Variants in MYRIP observed in about 807,000 individuals in gnomAD.
MYRIP encodes myosin VIIA and Rab interacting protein, also known as rab effector MyRIP.
A neutral mutation model predicts 98.0 loss-of-function variants in MYRIP; 49 were observed. That is an observed-to-expected ratio of 0.50 (90% CI 0.40 to 0.63). MYRIP has a LOEUF of 0.63. MYRIP is among the 30% of genes least tolerant of loss of function. The probability of loss-of-function intolerance (pLI) is 0.00; values close to 1 mark genes in which losing one functional copy is unlikely to be tolerated. For synonymous variants in MYRIP, 404 were observed against 409.5 expected (o/e 0.99, Z 0.16); for missense variants, 1,004 against 1,058.2 (o/e 0.95, Z 0.71).
At chr3:39,875,560 C>G (rs1942963215) in intron 1 of MYRIP, among the ~76,000 whole-genome samples, 1 of 151,788 alleles carries the variant, frequency 6.6e-6, no homozygotes, top group Non-Finnish European at 1.5e-5. Context: ...TCGTTGGTTT[C>G]AAAGAACATC....
At chr3:40,019,046 C>A (rs558143613) in intron 2 of MYRIP, among the ~76,000 whole-genome samples, 24 of 152,216 alleles carry the variant, frequency 1.6e-4, no homozygotes, top group African/African-American at 5.8e-4. Context: ...TCATTGTTAC[C>A]AAAAGTTTTA....
chr3:40,206,509 T>A (rs2125659957), intron 10 of MYRIP, among the ~76,000 whole-genome samples: 1 of 152,276 alleles, frequency 6.6e-6, no homozygotes, highest in South Asian at 2.1e-4. Flanking sequence ...ATCTTTAGGA[T>A]TCCATTCTTT....
intron 2 of MYRIP, among the ~76,000 whole-genome samples, chr3:40,001,159 G>A (rs1318874445): frequency 1.3e-5 from 2 of 152,128 alleles, no homozygotes; most frequent in Non-Finnish European, 2.9e-5. Context: ...CTTAGAATTA[G>A]TCAAAATGAT....
At chr3:39,918,060 G>T (rs1046219112) in intron 2 of MYRIP, among the ~76,000 whole-genome samples, 1 of 151,982 alleles carries the variant, frequency 6.6e-6, no homozygotes, top group South Asian at 2.1e-4. Context: ...CGGAGTAGCT[G>T]GGACTACAGG....
chr3:39,899,710 C>T (rs1192289669), intron 1 of MYRIP, among the ~76,000 whole-genome samples: 1 of 152,170 alleles, frequency 6.6e-6, no homozygotes, highest in Non-Finnish European at 1.5e-5. Context: ...GTCATTGTCC[C>T]ACTTCCCACC....
chr3:40,179,158 G>A (rs76267024), intron 8 of MYRIP, among the ~76,000 whole-genome samples: 2,535 of 152,254 alleles, frequency 0.017, 76 homozygotes, highest in African/African-American at 0.056. Flanking sequence ...TCTGCTGGGC[G>A]TGTGTTGCTT....
At chr3:39,956,523 A>G (rs900199477) in intron 2 of MYRIP, among the ~76,000 whole-genome samples, 1 of 152,236 alleles carries the variant, frequency 6.6e-6, no homozygotes, top group African/African-American at 2.4e-5. Flanking sequence ...AGACACATTC[A>G]CAGCAGTGTG....
chr3:40,256,990 GAAAT>G (rs1953614515), intron 16 of MYRIP, among the ~76,000 whole-genome samples: 2 of 152,084 alleles, frequency 1.3e-5, no homozygotes. Context: ...TGAAGAATAT[GAAAT>G]AAAATATTAG....
At chr3:40,084,136 C>CAAA (rs753167019) in intron 3 of MYRIP, among the ~76,000 whole-genome samples, 2 of 55,056 alleles carry the variant, frequency 3.6e-5, no homozygotes, top group Non-Finnish European at 5.9e-5. Context: ...GACTCCATCT[C>CAAA]AAAAAAAAAA....
chr3:40,028,961 G>C (rs1035195729), intron 2 of MYRIP, among the ~76,000 whole-genome samples: 1 of 152,116 alleles, frequency 6.6e-6, no homozygotes, highest in Non-Finnish European at 1.5e-5. Context: ...CTAGATACCA[G>C]TGAGCTTTAA....
chr3:39,825,169 T>A (rs1377102109), intron 1 of MYRIP, among the ~76,000 whole-genome samples: 5 of 152,218 alleles, frequency 3.3e-5, no homozygotes, highest in Non-Finnish European at 4.4e-5. Context: ...TCTTTTCTAT[T>A]TGGATGCCCT....
intron 2 of MYRIP, among the ~76,000 whole-genome samples, chr3:39,982,001 A>G (rs1945908323): frequency 6.6e-6 from 1 of 152,214 alleles, no homozygotes; most frequent in Non-Finnish European, 1.5e-5. Flanking sequence ...GGACCTGCAA[A>G]CACATGACTA....
chr3:39,879,998 T>A (rs1575337109), intron 1 of MYRIP, among the ~76,000 whole-genome samples: 1 of 152,290 alleles, frequency 6.6e-6, no homozygotes, highest in East Asian at 1.9e-4. Context: ...TGAAGAAGCC[T>A]TATAAATATG....
At chr3:39,902,516 GAC>G (rs1943766322) in intron 2 of MYRIP, among the ~76,000 whole-genome samples, 1 of 152,220 alleles carries the variant, frequency 6.6e-6, no homozygotes, top group South Asian at 2.1e-4. Context: ...CCAATCTCTG[GAC>G]ACAGGGCCTG....
intron 10 of MYRIP, among the ~76,000 whole-genome samples, chr3:40,202,612 T>G (rs1376539773): frequency 6.6e-6 from 1 of 152,176 alleles, no homozygotes; most frequent in African/African-American, 2.4e-5. Flanking sequence ...CTGTTTTCCT[T>G]TTAGTGAGCA....
rs138686333 is a variant in MYRIP at position 40,043,770 on chromosome 3, T to C, written c.111-280T>C. Reference sequence around the variant, plus strand: ...ATATGCTTATTAGTTTTTTAATAACTTGTATCTCAATGTAGTCTCTGAAAT... The same window carrying C: ...ATATGCTTATTAGTTTTTTAATAACCTGTATCTCAATGTAGTCTCTGAAAT... On this transcript the variant is annotated intron_variant, in intron 2 of 16. Transcript: ENST00000302541. Among the ~76,000 whole-genome samples, 130 of 152,362 alleles carry C rather than the reference T, an allele frequency of 8.5e-4. No homozygotes were observed. In the Middle Eastern group the frequency reaches 0.01, roughly 12 times the overall value.
At chr3:39,856,393 T>C (rs992537725) in intron 1 of MYRIP, among the ~76,000 whole-genome samples, 2 of 152,204 alleles carry the variant, frequency 1.3e-5, no homozygotes, top group Admixed American at 6.5e-5. Context: ...GCCCAGCCTG[T>C]AGCCTTGCCC....
chr3:40,089,168 G>T (rs1948692295), intron 3 of MYRIP, among the ~76,000 whole-genome samples: 2 of 152,158 alleles, frequency 1.3e-5, no homozygotes, highest in African/African-American at 4.8e-5. Flanking sequence ...CAGTTTTACT[G>T]CTATATGACA....
intron 2 of MYRIP, among the ~76,000 whole-genome samples, chr3:39,944,328 C>T (rs1321857172): frequency 1.3e-5 from 2 of 151,924 alleles, no homozygotes; most frequent in Non-Finnish European, 2.9e-5. Context: ...GGAAAACATA[C>T]TATGGTATAT....
Sources: gnomAD v4.1 joint callset for allele counts (sites outside exome capture counted in the v4.1 genomes callset) on GRCh38, gnomAD v4.1.1 for gene constraint, MANE v1.5 for transcripts, NCBI Gene and HGNC (gene_info 2026-07-23, HGNC 2026-07-21) for gene names.